TAFA1: variants seen among roughly 807,000 people sequenced by gnomAD.
The protein encoded by TAFA1 is chemokine-like protein TAFA-1.
In TAFA1, 4 loss-of-function variants were observed where a neutral mutation model predicts 18.5. That is an observed-to-expected ratio of 0.22 (90% CI 0.11 to 0.49). The LOEUF (loss-of-function observed/expected upper bound fraction) is 0.49, where lower values mean the gene tolerates loss of function less well. Among genes scored for constraint, TAFA1 ranks in the 20% least tolerant of loss-of-function variants. The pLI is 0.98. For missense variants in TAFA1, 147 were observed against 169.0 expected (o/e 0.87, Z 0.72); for synonymous variants, 56 against 55.2 (o/e 1.01, Z -0.06).
At chr3:68,533,063 T>C (rs1254456817) in intron 3 of TAFA1, among the ~76,000 whole-genome samples, 1 of 140,980 alleles carries the variant, frequency 7.1e-6, no homozygotes, top group African/African-American at 2.7e-5. Flanking sequence ...AGGGGAAAAG[T>C]GGGCAGGGTG....
In TAFA1 at chr3:68,106,934, C is replaced by T. The variant is rs539830816; in HGVS notation, c.118+100190C>T. 6.6e-5 allele frequency among the ~76,000 whole-genome samples: 10 copies of T among 152,222 alleles called. No homozygotes were observed. In the South Asian group the frequency reaches 1.9e-3, roughly 28 times the overall value. On this transcript the variant is annotated intron_variant, in intron 2 of 4. Transcript: ENST00000478136. ...AAGGGGAAAACCCCTAAACATCAAA[C>T]GCTGGCTAATATGTGGAGGAGCTGA... is the stretch of plus-strand genomic sequence containing the variant.
At chr3:68,501,048 G>A (rs1048866326) in intron 3 of TAFA1, among the ~76,000 whole-genome samples, 10 of 151,508 alleles carry the variant, frequency 6.6e-5, no homozygotes, top group Non-Finnish European at 8.8e-5. Context: ...CCAGCTACTC[G>A]GGAGGCTGAG....
At chr3:68,172,027 G>A (rs193061506) in intron 2 of TAFA1, among the ~76,000 whole-genome samples, 2 of 152,052 alleles carry the variant, frequency 1.3e-5, no homozygotes, top group Admixed American at 1.3e-4. Context: ...AGAGAGAAAG[G>A]GGAAGAAAGA....
At chr3:68,341,089 G>A (rs1362269675) in intron 2 of TAFA1, among the ~76,000 whole-genome samples, 2 of 152,212 alleles carry the variant, frequency 1.3e-5, no homozygotes, top group Non-Finnish European at 2.9e-5. Context: ...TACCTAGACA[G>A]AGCTGATGTA....
chr3:68,437,022 A>G (rs2071278112), intron 3 of TAFA1, among the ~76,000 whole-genome samples: 1 of 148,800 alleles, frequency 6.7e-6, no homozygotes, highest in African/African-American at 2.4e-5. Flanking sequence ...CCACACAGCA[A>G]TGTAAACATA....
At chr3:68,358,134 A>C (rs2069399276) in intron 2 of TAFA1, among the ~76,000 whole-genome samples, 1 of 151,976 alleles carries the variant, frequency 6.6e-6, no homozygotes, top group Admixed American at 6.6e-5. Flanking sequence ...TTCTGCTCCC[A>C]GAATTACTGA....
At chr3:68,260,319 G>A (rs1349176604) in intron 2 of TAFA1, among the ~76,000 whole-genome samples, 1 of 152,118 alleles carries the variant, frequency 6.6e-6, no homozygotes, top group African/African-American at 2.4e-5. Context: ...GCTTTTTGAT[G>A]TGCTGCTGAA....
At chr3:68,182,705 C>G (rs964032009) in intron 2 of TAFA1, among the ~76,000 whole-genome samples, 6 of 152,144 alleles carry the variant, frequency 3.9e-5, no homozygotes, top group African/African-American at 1.4e-4. Flanking sequence ...TAATGTCTTA[C>G]AGCCCTTAAG....
chr3:68,400,672 G>A (rs561395464), intron 2 of TAFA1, among the ~76,000 whole-genome samples: 1 of 152,230 alleles, frequency 6.6e-6, no homozygotes, highest in South Asian at 2.1e-4. Flanking sequence ...ATATACTGTT[G>A]ATTCATAGAA....
At chr3:68,044,821 A>G (rs540456671) in intron 2 of TAFA1, among the ~76,000 whole-genome samples, 1 of 152,354 alleles carries the variant, frequency 6.6e-6, no homozygotes, top group East Asian at 1.9e-4. Flanking sequence ...GGGAATGATA[A>G]TACTGTTGTT....
intron 2 of TAFA1, among the ~76,000 whole-genome samples, chr3:68,354,490 A>G (rs1575800244): frequency 6.6e-6 from 1 of 151,976 alleles, no homozygotes. Context: ...GACAACCGCC[A>G]TTACCATCAC....
At chr3:68,236,275 A>G (rs2066926240) in intron 2 of TAFA1, among the ~76,000 whole-genome samples, 1 of 152,192 alleles carries the variant, frequency 6.6e-6, no homozygotes, top group Admixed American at 6.5e-5. Context: ...GTAATATTCT[A>G]AGCTTTTTGT....
intron 3 of TAFA1, among the ~76,000 whole-genome samples, chr3:68,510,062 C>T (rs115980002): frequency 0.017 from 2,571 of 152,200 alleles, 88 homozygotes; most frequent in African/African-American, 0.058. Flanking sequence ...GGTCTGTCCC[C>T]ATCTCTTTGC....
intron 2 of TAFA1, among the ~76,000 whole-genome samples, chr3:68,175,615 A>G (rs1213917734): frequency 6.6e-6 from 1 of 152,012 alleles, no homozygotes; most frequent in Non-Finnish European, 1.5e-5. Flanking sequence ...GGTTGTATTT[A>G]CCCAACGCCT....
At chr3:68,030,745 T>C (rs1575582558) in intron 2 of TAFA1, among the ~76,000 whole-genome samples, 1 of 152,148 alleles carries the variant, frequency 6.6e-6, no homozygotes, top group Non-Finnish European at 1.5e-5. Flanking sequence ...GTCTTTATAG[T>C]AGAATGATTT....
chr3:68,329,141 C>T (rs1036716152), intron 2 of TAFA1, among the ~76,000 whole-genome samples: 6 of 149,612 alleles, frequency 4.0e-5, no homozygotes, highest in Non-Finnish European at 7.4e-5. Context: ...CTCCGCCTCC[C>T]GGGTTCAAGC....
Position 68,406,485 on chromosome 3 carries a change from A to G in TAFA1, c.119-10795A>G, listed in dbSNP as rs182696709. On this transcript the variant is annotated intron_variant, in intron 2 of 4. Transcript: ENST00000478136. ...AATCACAGTAGAATACAACTTATTCATTTTAGATGTTGGCTCAGGGAAGCT... is the reference window on the plus strand; with the variant it reads ...AATCACAGTAGAATACAACTTATTCGTTTTAGATGTTGGCTCAGGGAAGCT... Among the ~76,000 whole-genome samples, 14 of 152,198 alleles carry G rather than the reference A, an allele frequency of 9.2e-5. 1 individual carries two copies. The highest frequency in any genetic ancestry group is 8.5e-4 in the Admixed American group (13 of 15,268).
chr3:68,391,432 C>T (rs1041048294), intron 2 of TAFA1, among the ~76,000 whole-genome samples: 2 of 152,316 alleles, frequency 1.3e-5, no homozygotes, highest in Non-Finnish European at 2.9e-5. Context: ...TTGGAAAATA[C>T]TCTTCAGGAT....
intron 3 of TAFA1, among the ~76,000 whole-genome samples, chr3:68,530,058 T>G (rs2073168937): frequency 6.6e-6 from 1 of 152,208 alleles, no homozygotes. Flanking sequence ...ATTGAGAAAC[T>G]CTGATCTAAA....
Sources: allele counts gnomAD v4.1 joint callset (sites outside exome capture counted in the v4.1 genomes callset), GRCh38; gene constraint gnomAD v4.1.1; transcripts MANE v1.5; gene names NCBI Gene and HGNC (gene_info 2026-07-23, HGNC 2026-07-21).